Variants in COL26A1 observed in about 807,000 individuals in gnomAD.
The protein encoded by COL26A1 is collagen type XXVI alpha 1 chain.
COL26A1 carries 41 observed loss-of-function variants against 59.3 expected under a neutral mutation model. That is an observed-to-expected ratio of 0.69 (90% confidence interval 0.54 to 0.90). The LOEUF is 0.90. Among genes scored for constraint, COL26A1 ranks in the 40% least tolerant of loss-of-function variants. COL26A1 has a pLI of 0.00. For synonymous variants in COL26A1, 266 were observed against 256.0 expected (o/e 1.04, Z -0.37); for missense variants, 612 against 602.3 (o/e 1.02, Z -0.17).
At chr7:101,409,051 T>G (rs1237961632) in intron 1 of COL26A1, among the ~76,000 whole-genome samples, 1 of 152,224 alleles carries the variant, frequency 6.6e-6, no homozygotes, top group Non-Finnish European at 1.5e-5. Context: ...CTCAGTTTCC[T>G]TCTCTGTAAA....
intron 2 of COL26A1, among the ~76,000 whole-genome samples, chr7:101,436,727 T>A (rs1213217168): frequency 6.6e-6 from 1 of 151,830 alleles, no homozygotes; most frequent in Non-Finnish European, 1.5e-5. Context: ...TCATTTTTTT[T>A]TTTTTTGAGA....
At position 101,387,156 on chromosome 7, in the gene COL26A1, C is replaced by A. The variant is rs139993142; in HGVS notation, c.158+23966C>A. Among the ~76,000 whole-genome samples the A allele has an allele frequency of 2.3e-3, 355 of 152,230 alleles. 3 individuals carry two copies. Among genetic ancestry groups the A allele is most frequent in the Middle Eastern group, 0.014 (4 of 294 alleles). ...GAGCCAAAGCCACCCCCACGGGATG[C>A]AAGCTGACACTCCCAAGAGCTGCTT... On this transcript the variant is annotated intron_variant, in intron 1 of 12. Coordinates refer to ENST00000313669, the MANE Select transcript of COL26A1 (RefSeq NM_001278563.3).
At chr7:101,427,400 G>A (rs1467987072) in intron 2 of COL26A1, among the ~76,000 whole-genome samples, 1 of 152,014 alleles carries the variant, frequency 6.6e-6, no homozygotes, top group Admixed American at 6.6e-5. Flanking sequence ...GGTGGCTCAT[G>A]CCTGTAATCC....
chr7:101,489,838 CT>C lies in COL26A1; in HGVS notation c.385+42054del, dbSNP rs1292275027. 3.3e-4 allele frequency among the ~76,000 whole-genome samples: 6 copies of C among 18,032 alleles called. 1 individual carries two copies. The highest frequency in any genetic ancestry group is 2.4e-3 in the South Asian group (1 of 412). 11.8% of individuals were successfully genotyped at this position (18,032 alleles called of 152,430 possible). Reference sequence around the variant, plus strand: ...TCTTTCTTTCTTTCTTTCTTTCTTTCTTTCTTTCTTTCTTTCTTTCTTTCTT... The same window carrying C: ...TCTTTCTTTCTTTCTTTCTTTCTTTCTTCTTTCTTTCTTTCTTTCTTTCTT... On this transcript the variant is annotated intron_variant, in intron 3 of 12. Transcript: ENST00000313669.
intron 1 of COL26A1, among the ~76,000 whole-genome samples, chr7:101,395,788 C>G (rs1240621730): frequency 6.6e-6 from 1 of 152,202 alleles, no homozygotes; most frequent in Non-Finnish European, 1.5e-5. Context: ...TTAATCACCG[C>G]TGAAAACAAA....
At position 101,362,922 on chromosome 7, in the gene COL26A1, C is replaced by A. The variant is rs889603910; in HGVS notation, c.-111C>A. 2 of 1,159,020 alleles carry A rather than the reference C, an allele frequency of 1.7e-6. No homozygotes were observed. The highest frequency in any genetic ancestry group is 3.1e-5 in the Admixed American group (1 of 31,858). The allele number at this position is 1,159,020 out of a possible 1,614,324, so 71.8% of individuals were successfully genotyped here. A position where few individuals can be genotyped will look rare whatever the true frequency, so the allele number is the denominator to read the frequency against. ...GCACCCGGGCTCCGACCGCTCGCCC[C>A]GCTCCTCTCGCTGTGCTCCCGGCCG... is the stretch of plus-strand genomic sequence containing the variant. On this transcript the variant is annotated 5_prime_UTR_variant, in exon 1 of 13. Transcript: ENST00000313669.
At chr7:101,458,139 G>T (rs1261549275) in intron 3 of COL26A1, among the ~76,000 whole-genome samples, 1 of 151,982 alleles carries the variant, frequency 6.6e-6, no homozygotes. Context: ...CAAGCAATCT[G>T]CCTGGCTCGG....
chr7:101,515,816 T>G (rs527462344), intron 3 of COL26A1, among the ~76,000 whole-genome samples: 3 of 152,218 alleles, frequency 2.0e-5, no homozygotes, highest in South Asian at 2.1e-4. Flanking sequence ...CTTGAACTTC[T>G]GGCCTCCAGT....
At chr7:101,551,292 G>A in intron 10 of COL26A1, 149 bp downstream of exon 10, 1 of 843,816 alleles carries the variant, frequency 1.2e-6, no homozygotes, top group South Asian at 1.6e-5. Context: ...ACTGAGAAAG[G>A]ACTCAAATCG....
chr7:101,437,972 C>T (rs1050883810), intron 2 of COL26A1, among the ~76,000 whole-genome samples: 9 of 151,992 alleles, frequency 5.9e-5, no homozygotes, highest in Non-Finnish European at 1.0e-4. Flanking sequence ...CTTGGCCTCC[C>T]GAAGTGTTGG....
At chr7:101,442,172 GTC>G (rs1157221851) in intron 2 of COL26A1, among the ~76,000 whole-genome samples, 1 of 152,156 alleles carries the variant, frequency 6.6e-6, no homozygotes, top group Non-Finnish European at 1.5e-5. Flanking sequence ...AGTTTTTCTG[GTC>G]TCTCGTAGTC....
intron 3 of COL26A1, among the ~76,000 whole-genome samples, chr7:101,515,875 T>C (rs9769486): frequency 0.19 from 28,638 of 152,166 alleles, 3,149 homozygotes; most frequent in African/African-American, 0.3. Context: ...AGGCATGAGC[T>C]GCTGCACCCG....
chr7:101,489,670 T>TG lies in COL26A1; in HGVS notation c.385+41883_385+41884insG, dbSNP rs1453904880. On this transcript the variant is annotated intron_variant, in intron 3 of 12. Coordinates refer to ENST00000313669, the MANE Select transcript of COL26A1 (RefSeq NM_001278563.3). ...CTTTCTTTCTTTCTTTCTTCCTTCC[T>TG]TCCTTCCTTCCTTTCTTTCTTTCTT... 4.7e-3 allele frequency among the ~76,000 whole-genome samples: 257 copies of TG among 55,028 alleles called. 16 individuals carry two copies. Among genetic ancestry groups the TG allele is most frequent in the African/African-American group, 0.011 (63 of 5,528 alleles). 36.1% of individuals were successfully genotyped at this position (55,028 alleles called of 152,430 possible).
intron 6 of COL26A1, among the ~76,000 whole-genome samples, chr7:101,544,528 C>CTTT (rs58206894): frequency 4.1e-5 from 4 of 98,608 alleles, no homozygotes; most frequent in Non-Finnish European, 5.7e-5. Flanking sequence ...CCTCACCTGG[C>CTTT]TTTTTTTTTT....
At chr7:101,412,093 G>C (rs1792253848) in intron 1 of COL26A1, among the ~76,000 whole-genome samples, 1 of 152,150 alleles carries the variant, frequency 6.6e-6, no homozygotes, top group East Asian at 1.9e-4. Flanking sequence ...GGCTGGGGTA[G>C]AGGTGGTGAG....
At chr7:101,526,215 A>G (rs755369746) in intron 3 of COL26A1, among the ~76,000 whole-genome samples, 15 of 151,436 alleles carry the variant, frequency 9.9e-5, no homozygotes, top group Non-Finnish European at 1.5e-4. Context: ...CATCCAGCTA[A>G]TTTTTGTATT....
chr7:101,429,497 A>G (rs1792726165), intron 2 of COL26A1, among the ~76,000 whole-genome samples: 1 of 151,540 alleles, frequency 6.6e-6, no homozygotes, highest in Non-Finnish European at 1.5e-5. Context: ...TGCCAATACC[A>G]CACAGTCTTG....
intron 3 of COL26A1, among the ~76,000 whole-genome samples, chr7:101,462,609 G>A (rs1355167727): frequency 6.6e-6 from 1 of 152,170 alleles, no homozygotes; most frequent in South Asian, 2.1e-4. Flanking sequence ...GAGCCACCGT[G>A]CCCGGCCTTA....
intron 3 of COL26A1, among the ~76,000 whole-genome samples, chr7:101,527,894 G>A (rs10264271): frequency 0.29 from 43,633 of 151,828 alleles, 6,899 homozygotes; most frequent in African/African-American, 0.43. Context: ...GCCTCCTCTG[G>A]TCACAGAGCC....
Sources: allele counts gnomAD v4.1 joint callset (sites outside exome capture counted in the v4.1 genomes callset), GRCh38; gene constraint gnomAD v4.1.1; transcripts MANE v1.5; gene names NCBI Gene and HGNC (gene_info 2026-07-23, HGNC 2026-07-21).